Variants in PARD3B observed in about 807,000 individuals in gnomAD.
PARD3B encodes the protein par-3 family cell polarity regulator beta.
A neutral mutation model predicts 130.2 loss-of-function variants in PARD3B; 103 were observed. The ratio of observed to expected loss-of-function variants is 0.79; its 90% CI spans 0.67 to 0.93. PARD3B has a LOEUF of 0.93. Among genes scored for constraint, PARD3B ranks in the 40% least tolerant of loss-of-function variants. PARD3B has a pLI of 0.00. For synonymous variants in PARD3B, 583 were observed against 553.2 expected, an observed-to-expected ratio of 1.05 and a Z score of -0.76; for missense variants, 1,609 against 1,499.2, an observed-to-expected ratio of 1.07 and a Z score of -1.21.
chr2:205,205,353 G>A (rs193020999), intron 15 of PARD3B, among the ~76,000 whole-genome samples: 178 of 152,176 alleles, frequency 1.2e-3, no homozygotes, highest in African/African-American at 4.1e-3. Context: ...GGGCTGAGAC[G>A]ATGGGGTTTT....
At chr2:205,381,014 A>ATATATG (rs2045393736) in intron 18 of PARD3B, among the ~76,000 whole-genome samples, 1 of 44,448 alleles carries the variant, frequency 2.2e-5, no homozygotes, top group Non-Finnish European at 4.6e-5. Context: ...TAATATAAAG[A>ATATATG]ATATATATGA....
At chr2:205,254,872 G>A (rs991967229) in intron 16 of PARD3B, among the ~76,000 whole-genome samples, 63 of 151,530 alleles carry the variant, frequency 4.2e-4, no homozygotes, top group Non-Finnish European at 8.7e-4. Flanking sequence ...CACCATGTTG[G>A]TCAGGATGGT....
At chr2:204,783,209 A>G (rs2041899358) in intron 2 of PARD3B, among the ~76,000 whole-genome samples, 1 of 152,152 alleles carries the variant, frequency 6.6e-6, no homozygotes, top group South Asian at 2.1e-4. Context: ...ACGTTATAGA[A>G]TGATCAAACT....
intron 1 of PARD3B, among the ~76,000 whole-genome samples, chr2:204,571,239 T>G (rs1031920460): frequency 6.6e-5 from 10 of 152,196 alleles, no homozygotes; most frequent in Non-Finnish European, 1.2e-4. Flanking sequence ...GCCCTGACTC[T>G]TCTATGAATA....
intron 16 of PARD3B, among the ~76,000 whole-genome samples, chr2:205,278,865 T>A (rs1054352891): frequency 6.6e-6 from 1 of 151,266 alleles, no homozygotes; most frequent in South Asian, 2.1e-4. Context: ...AGATCAGGAG[T>A]TCGAGACCAG....
At chr2:205,497,608 T>C (rs1403473835) in intron 20 of PARD3B, among the ~76,000 whole-genome samples, 1 of 152,072 alleles carries the variant, frequency 6.6e-6, no homozygotes, top group Non-Finnish European at 1.5e-5. Context: ...GCTGGGGCTC[T>C]ACCTACCTTT....
intron 2 of PARD3B, among the ~76,000 whole-genome samples, chr2:204,790,036 A>G (rs2042147106): frequency 6.6e-6 from 1 of 151,872 alleles, no homozygotes; most frequent in Non-Finnish European, 1.5e-5. Context: ...GCACCTGGCT[A>G]ATTTTTTGTA....
chr2:204,839,672 C>T (rs558334950), intron 2 of PARD3B, among the ~76,000 whole-genome samples: 1 of 152,208 alleles, frequency 6.6e-6, no homozygotes, highest in African/African-American at 2.4e-5. Context: ...TTTGTGTGTG[C>T]ATTTGACAAC....
At chr2:204,688,648 T>G (rs2037207143) in intron 2 of PARD3B, among the ~76,000 whole-genome samples, 1 of 151,954 alleles carries the variant, frequency 6.6e-6, no homozygotes, top group Non-Finnish European at 1.5e-5. Flanking sequence ...AATCTTAAGA[T>G]TTCTTTATAG....
chr2:205,553,697 C>T (rs552117048), intron 22 of PARD3B, among the ~76,000 whole-genome samples: 2 of 152,262 alleles, frequency 1.3e-5, no homozygotes, highest in African/African-American at 2.4e-5. Context: ...TCGAACATCC[C>T]GCACCAAGCT....
intron 2 of PARD3B, among the ~76,000 whole-genome samples, chr2:204,878,967 C>G (rs1180046117): frequency 2.0e-5 from 3 of 151,912 alleles, no homozygotes; most frequent in African/African-American, 4.8e-5. Context: ...AAGTTCAGTA[C>G]TTAAAGCAGA....
intron 1 of PARD3B, among the ~76,000 whole-genome samples, chr2:204,624,948 C>T (rs2125132177): frequency 6.6e-6 from 1 of 152,204 alleles, no homozygotes; most frequent in South Asian, 2.1e-4. Flanking sequence ...GTAGTGATAT[C>T]TCATTGTGGG....
chr2:205,296,666 T>A (rs1010319361), intron 16 of PARD3B, among the ~76,000 whole-genome samples: 22 of 87,280 alleles, frequency 2.5e-4, no homozygotes, highest in African/African-American at 1.6e-3. Context: ...TTTGTGTATG[T>A]GTGTGTGTGT....
chr2:205,573,312 A>G (rs12694029), intron 22 of PARD3B, among the ~76,000 whole-genome samples: 73,475 of 151,916 alleles, frequency 0.48, 19,217 homozygotes, highest in Admixed American at 0.64. Context: ...GGGCATCAAG[A>G]GAAAGACTGG....
intron 1 of PARD3B, among the ~76,000 whole-genome samples, chr2:204,622,530 A>G (rs1346464483): frequency 6.6e-6 from 1 of 151,808 alleles, no homozygotes; most frequent in East Asian, 1.9e-4. Context: ...TGTCACATTA[A>G]CTCTATTAAT....
At chr2:205,443,893 T>G (rs1273890793) in intron 20 of PARD3B, among the ~76,000 whole-genome samples, 1 of 152,144 alleles carries the variant, frequency 6.6e-6, no homozygotes, top group Non-Finnish European at 1.5e-5. Flanking sequence ...TCCCAGCACT[T>G]TGGGAGTCCG....
Position 205,063,769 on chromosome 2 carries a change from A to G in PARD3B, c.504+16079A>G, listed in dbSNP as rs138091632. On this transcript the variant is annotated intron_variant, in intron 4 of 22. Coordinates refer to ENST00000406610, the MANE Select transcript of PARD3B (RefSeq NM_001302769.2). The stretch of plus-strand genomic sequence containing the variant: ...ATGGCAGAAATATTTAGGAAATAAA[A>G]TGTACATATCTTGGATAAGGGAATA... Among the ~76,000 whole-genome samples the G allele has an allele frequency of 4.7e-3, 711 of 152,326 alleles. 9 individuals are homozygous for G. The highest frequency in any genetic ancestry group is 0.016 in the African/African-American group (665 of 41,588).
rs2035928598 is a variant in PARD3B, at chr2:205,183,731, TGTGTGTGTGTG to T, written c.1925-2032_1925-2022del. 2.4e-4 allele frequency among the ~76,000 whole-genome samples: 1 copy of T among 4,228 alleles called. No homozygotes were observed. Among genetic ancestry groups the T allele is most frequent in the Non-Finnish European group, 5.1e-4 (1 of 1,948 alleles). The allele number at this position is 4,228 out of a possible 152,430, so 2.8% of individuals were successfully genotyped here. A position where few individuals can be genotyped will look rare whatever the true frequency, so the allele number is the denominator to read the frequency against. ...GTTCTGCAGAGAAACAGAACCAAGT[TGTGTGTGTGTG>T]TGTGTGTGTGTGTGTGTGTGTGTGT... On this transcript the variant is annotated intron_variant, in intron 13 of 22. Coordinates refer to ENST00000406610, the MANE Select transcript of PARD3B (RefSeq NM_001302769.2). This position sits in a 1 kb window ranked among gnomAD's most constrained non-coding sequence, Gnocchi z 5.2.
At chr2:205,257,148 A>T (rs2040123164) in intron 16 of PARD3B, among the ~76,000 whole-genome samples, 1 of 152,086 alleles carries the variant, frequency 6.6e-6, no homozygotes, top group South Asian at 2.1e-4. Context: ...TGAAAGAGAA[A>T]ACTTAAAGGA....
Sources: gnomAD v4.1 joint callset for allele counts (sites outside exome capture counted in the v4.1 genomes callset) on GRCh38, gnomAD v4.1.1 for gene constraint, Gnocchi (gnomAD v3.1) non-coding constraint, MANE v1.5 for transcripts, NCBI Gene and HGNC (gene_info 2026-07-23, HGNC 2026-07-21) for gene names.